CAST: variants seen among roughly 807,000 people sequenced by gnomAD.
The protein encoded by CAST is MIR583 host.
CAST carries 76 observed loss-of-function variants against 119.6 expected under a neutral mutation model. That is an observed-to-expected ratio of 0.64 (90% CI 0.53 to 0.77). The LOEUF is 0.77. Ranked by LOEUF, CAST falls within the 30% of genes least tolerant of loss-of-function variation. The pLI is 0.00. For missense variants in CAST, 953 were observed against 946.5 expected (o/e 1.01, Z -0.09); for synonymous variants, 319 against 331.6 (o/e 0.96, Z 0.41).
chr5:96,532,544 G>A (rs1745708235), intron 1 of CAST, among the ~76,000 whole-genome samples: 1 of 152,122 alleles, frequency 6.6e-6, no homozygotes, highest in Admixed American at 6.5e-5. Flanking sequence ...GTGAGACCCT[G>A]TCCATACAAA....
At chr5:96,561,796 G>GTTTTTTTTTTGTTT (rs1554067789) in intron 1 of CAST, among the ~76,000 whole-genome samples, 1 of 97,422 alleles carries the variant, frequency 1.0e-5, no homozygotes, top group African/African-American at 3.8e-5. Context: ...GTTTTTTTTT[G>GTTTTTTTTTTGTTT]TTTTTTTTTT....
intron 1 of CAST, among the ~76,000 whole-genome samples, chr5:96,631,307 A>G (rs1047474473): frequency 7.1e-6 from 1 of 140,688 alleles, no homozygotes; most frequent in Admixed American, 7.3e-5. Context: ...TCTACTTTCT[A>G]TCTCTATAAA....
At chr5:96,451,416 G>A in the CAST span, among the ~76,000 whole-genome samples, 4 of 152,176 alleles carry the variant, frequency 2.6e-5, no homozygotes, top group African/African-American at 9.7e-5. Flanking sequence ...TTAATAAATG[G>A]TGTTGGGAAA....
the CAST span, among the ~76,000 whole-genome samples, chr5:96,153,673 C>T: frequency 6.6e-6 from 1 of 152,172 alleles, no homozygotes; most frequent in African/African-American, 2.4e-5. Context: ...TATAAACATA[C>T]TGATTATTGT....
chr5:96,685,320 G>A (rs753040396), intron 2 of CAST, among the ~76,000 whole-genome samples: 5 of 152,058 alleles, frequency 3.3e-5, no homozygotes, highest in Non-Finnish European at 7.4e-5. Flanking sequence ...GAAATAACAT[G>A]TTTAAAGTTA....
At chr5:96,200,300 T>C in the CAST span, among the ~76,000 whole-genome samples, 15 of 152,158 alleles carry the variant, frequency 9.9e-5, no homozygotes, top group Non-Finnish European at 1.9e-4. Context: ...AAGCAGTAGA[T>C]GTCCTCCTCT....
intron 3 of CAST, among the ~76,000 whole-genome samples, chr5:96,698,288 T>C (rs1299744245): frequency 3.3e-5 from 5 of 152,210 alleles, no homozygotes; most frequent in Admixed American, 3.3e-4. Flanking sequence ...TGTTCTGTCT[T>C]AAGAGCTGGG....
At chr5:96,760,635 C>T (rs1459590420) in intron 24 of CAST, among the ~76,000 whole-genome samples, 1 of 151,692 alleles carries the variant, frequency 6.6e-6, no homozygotes, top group Non-Finnish European at 1.5e-5. Context: ...TTGTAAGTAA[C>T]ATTATGCCAT....
chr5:96,095,417 A>G, the CAST span, among the ~76,000 whole-genome samples: 1 of 151,910 alleles, frequency 6.6e-6, no homozygotes, highest in East Asian at 1.9e-4. Flanking sequence ...TAAGAAAAAA[A>G]AAACAATTAG....
At chr5:96,636,309 G>A (rs551554744) in intron 1 of CAST, among the ~76,000 whole-genome samples, 3 of 152,240 alleles carry the variant, frequency 2.0e-5, no homozygotes, top group Non-Finnish European at 2.9e-5. Flanking sequence ...AGCAGCACTC[G>A]AGGGATGGAC....
the CAST span, among the ~76,000 whole-genome samples, chr5:96,150,835 A>G: frequency 4.6e-5 from 7 of 152,198 alleles, no homozygotes; most frequent in African/African-American, 1.4e-4. Flanking sequence ...AACCCCATAA[A>G]GAGCAGGCCT....
chr5:96,078,554 C>T, the CAST span, among the ~76,000 whole-genome samples: 10 of 152,158 alleles, frequency 6.6e-5, no homozygotes, highest in Admixed American at 2.0e-4. Context: ...CCACCACGCC[C>T]GGCTAATTTT....
the CAST span, among the ~76,000 whole-genome samples, chr5:96,507,990 C>CATAATTATTATT: frequency 7.0e-6 from 1 of 142,266 alleles, no homozygotes; most frequent in Admixed American, 7.2e-5. Flanking sequence ...ATATCCCTGA[C>CATAATTATTATT]ATTATTATTA....
At chr5:96,282,471 C>A in the CAST span, among the ~76,000 whole-genome samples, 4 of 152,084 alleles carry the variant, frequency 2.6e-5, no homozygotes, top group Admixed American at 2.0e-4. Flanking sequence ...GGAACAAATC[C>A]TTGGAGTTGT....
At chr5:96,267,312 AG>A in the CAST span, among the ~76,000 whole-genome samples, 1 of 152,220 alleles carries the variant, frequency 6.6e-6, no homozygotes, top group Non-Finnish European at 1.5e-5. Flanking sequence ...ATAAATATCC[AG>A]GTACCAGAAG....
chr5:96,010,324 G>A, the CAST span, among the ~76,000 whole-genome samples: 6 of 151,900 alleles, frequency 3.9e-5, no homozygotes, highest in Non-Finnish European at 8.8e-5. Context: ...TTTCTTTTGT[G>A]AGTGTGTGTC....
At chr5:96,626,787 A>G (rs2150200845) in intron 1 of CAST, among the ~76,000 whole-genome samples, 1 of 152,332 alleles carries the variant, frequency 6.6e-6, no homozygotes, top group Admixed American at 6.5e-5. Flanking sequence ...CTATGTTATC[A>G]GGAGCCCTGT....
chr5:96,334,048 TG>T, the CAST span, among the ~76,000 whole-genome samples: 1 of 152,196 alleles, frequency 6.6e-6, no homozygotes, highest in Non-Finnish European at 1.5e-5. Context: ...TTAGCAAACT[TG>T]CTACCTACTT....
chr5:96,708,042 G>A (rs932143274), intron 3 of CAST, among the ~76,000 whole-genome samples: 3 of 152,216 alleles, frequency 2.0e-5, no homozygotes, highest in Non-Finnish European at 2.9e-5. Flanking sequence ...GTAGGAAATT[G>A]TGTTTATATC....
Sources: gnomAD v4.1 joint callset for allele counts (sites outside exome capture counted in the v4.1 genomes callset) on GRCh38, gnomAD v4.1.1 for gene constraint, MANE v1.5 for transcripts, NCBI Gene and HGNC (gene_info 2026-07-23, HGNC 2026-07-21) for gene names.